Variants in HSPA12A observed in about 807,000 individuals in gnomAD.
HSPA12A encodes the protein heat shock protein family A (Hsp70) member 12A.
Under a neutral mutation model 69.2 loss-of-function variants are expected in HSPA12A, and 28 were observed. That is an observed-to-expected ratio of 0.40 (90% confidence interval 0.30 to 0.55). HSPA12A has a LOEUF of 0.55. HSPA12A is among the 20% of genes least tolerant of loss of function. The probability of loss-of-function intolerance (pLI) is 0.38; values close to 1 mark genes in which losing one functional copy is unlikely to be tolerated. For synonymous variants in HSPA12A, 345 were observed against 370.5 expected, an observed-to-expected ratio of 0.93 and a Z score of 0.79; for missense variants, 686 against 900.7, an observed-to-expected ratio of 0.76 and a Z score of 3.05.
At chr10:116,713,346 T>G (rs1288525553) in intron 1 of HSPA12A, among the ~76,000 whole-genome samples, 1 of 152,090 alleles carries the variant, frequency 6.6e-6, no homozygotes, top group African/African-American at 2.4e-5. Flanking sequence ...AAATGGAAAT[T>G]TTATTGGCAT....
At position 116,843,819 on chromosome 10, in the gene HSPA12A, G is replaced by T. The variant is rs142079136; in HGVS notation, c.3+5747C>A. On this transcript the variant is annotated intron_variant, in intron 1 of 12. Coordinates refer to the HSPA12A transcript ENST00000635765. ...TCCCATTTAATCGGTCTGGGATAGG[G>T]CCCAATCACCAGTATCATTCAATAC... Among the ~76,000 whole-genome samples the T allele has an allele frequency of 3.7e-3, 563 of 152,276 alleles. 1 individual carries two copies. Among genetic ancestry groups the T allele is most frequent in the South Asian group, 8.1e-3 (39 of 4,812 alleles).
At chr10:116,842,174 G>A (rs1453518913) in intron 1 of HSPA12A, among the ~76,000 whole-genome samples, 2 of 152,164 alleles carry the variant, frequency 1.3e-5, no homozygotes, top group Non-Finnish European at 2.9e-5. Flanking sequence ...AATTACAAAA[G>A]TCAAACAATT....
At chr10:116,847,604 C>T (rs554741337) in intron 1 of HSPA12A, among the ~76,000 whole-genome samples, 6 of 152,304 alleles carry the variant, frequency 3.9e-5, no homozygotes, top group African/African-American at 1.2e-4. Flanking sequence ...TCACCCACCT[C>T]CAAAACATCT....
intron 2 of HSPA12A, among the ~76,000 whole-genome samples, chr10:116,804,854 G>C (rs1294967509): frequency 6.6e-6 from 1 of 152,168 alleles, no homozygotes; most frequent in Non-Finnish European, 1.5e-5. Context: ...ACAAGTGATG[G>C]ACAACAGAAG....
chr10:116,720,599 A>G (rs184819649), intron 1 of HSPA12A, among the ~76,000 whole-genome samples: 136 of 152,346 alleles, frequency 8.9e-4, no homozygotes, highest in Non-Finnish European at 1.6e-3. Context: ...CCCCTGACAG[A>G]TCAGCTGTTT....
intron 2 of HSPA12A, 42 bp from the exon 3 acceptor site, chr10:116,705,320 G>A: frequency 9.3e-6 from 15 of 1,611,988 alleles, no homozygotes; most frequent in Non-Finnish European, 1.3e-5. Context: ...GGAGGGGTGG[G>A]CCTGGCTTTC....
Position 116,705,238 on chromosome 10 carries a change from A to G in HSPA12A, c.167T>C (p.Leu56Pro). The G allele has an allele frequency of 6.2e-7, 1 of 1,614,176 alleles. No homozygotes were observed. Among genetic ancestry groups the G allele is most frequent in the Non-Finnish European group, 8.5e-7 (1 of 1,180,032 alleles). The change falls in exon 3 of 12, where the codon CTC becomes CCC. Residue 56 changes from leucine to proline, a missense_variant. Leu to Pro is a moderately conservative substitution (Grantham distance 98). Coordinates refer to ENST00000369209, the MANE Select transcript of HSPA12A (RefSeq NM_025015.3). ...DSNVSEQQSF[L>P]VVVAVDFGTT... ...CCCAAAGTCGACGGCCACCACCACG[A>G]GAAATGACTGCTGTTCTGAGACGTT...
Position 116,707,191 on chromosome 10 carries a change from ACT to A in HSPA12A, c.126+7_126+8del. On this transcript the variant is annotated splice_region_variant and intron_variant, in intron 2 of 11. Transcript: ENST00000369209. ...CACACACACACACACACACACACAC[ACT>A]TCTTACCACAATATGGGAGGGGGAC... 3 of 1,570,746 alleles carry A rather than the reference ACT, an allele frequency of 1.9e-6. No individual in the cohort carries two copies. The highest frequency in any genetic ancestry group is 1.1e-5 in the South Asian group (1 of 87,092).
At chr10:116,761,352 G>A (rs1843966953) in intron 2 of HSPA12A, among the ~76,000 whole-genome samples, 1 of 152,022 alleles carries the variant, frequency 6.6e-6, no homozygotes, top group South Asian at 2.1e-4. Context: ...TGGGCATAGT[G>A]GCGCACACCT....
intron 1 of HSPA12A, 21 bp from the exon 2 acceptor site, chr10:116,707,306 G>T: frequency 6.3e-7 from 1 of 1,585,230 alleles, no homozygotes; most frequent in South Asian, 1.1e-5. Flanking sequence ...AAACAAAGCC[G>T]CCTCCTTAGA....
At chr10:116,772,990 ACT>A (rs1844246788) in intron 2 of HSPA12A, among the ~76,000 whole-genome samples, 1 of 152,194 alleles carries the variant, frequency 6.6e-6, no homozygotes. Flanking sequence ...GGCATGAGCC[ACT>A]GCACCTGGCC....
chr10:116,749,617 T>G (rs1243216691), intron 2 of HSPA12A, among the ~76,000 whole-genome samples: 1 of 152,202 alleles, frequency 6.6e-6, no homozygotes, highest in Non-Finnish European at 1.5e-5. Context: ...ACGTGTTGAA[T>G]GAATGAACAA....
intron 2 of HSPA12A, among the ~76,000 whole-genome samples, chr10:116,792,657 T>A (rs998281758): frequency 1.4e-5 from 2 of 147,186 alleles, no homozygotes; most frequent in African/African-American, 2.5e-5. Flanking sequence ...CATGGTAGTG[T>A]GCACCTGTGG....
At chr10:116,689,289 G>A (rs985496758) in intron 6 of HSPA12A, among the ~76,000 whole-genome samples, 4 of 151,928 alleles carry the variant, frequency 2.6e-5, no homozygotes, top group African/African-American at 9.7e-5. Context: ...CCTGAAAGGA[G>A]GGGCTCCATT....
chr10:116,711,832 GT>G (rs60670342), intron 1 of HSPA12A, among the ~76,000 whole-genome samples: 276 of 145,778 alleles, frequency 1.9e-3, no homozygotes, highest in African/African-American at 4.7e-3. Flanking sequence ...CCCAGCTAAT[GT>G]TTTTTTTTTT....
At chr10:116,687,758 A>C (rs1849616478) in intron 6 of HSPA12A, among the ~76,000 whole-genome samples, 1 of 151,888 alleles carries the variant, frequency 6.6e-6, no homozygotes, top group Non-Finnish European at 1.5e-5. Context: ...ACCACAGAAC[A>C]CTCTCCGTCT....
intron 2 of HSPA12A, among the ~76,000 whole-genome samples, chr10:116,785,872 A>T (rs989864330): frequency 6.7e-6 from 1 of 150,178 alleles, no homozygotes; most frequent in Admixed American, 6.6e-5. Flanking sequence ...GATTCCTCCT[A>T]TTTCCCCCCC....
intron 2 of HSPA12A, among the ~76,000 whole-genome samples, chr10:116,779,700 G>A (rs951075882): frequency 1.3e-5 from 2 of 152,136 alleles, no homozygotes; most frequent in Non-Finnish European, 2.9e-5. Flanking sequence ...TTGACACCCA[G>A]GCAGGTGGGA....
chr10:116,762,564 T>C (rs1554889375), intron 2 of HSPA12A, among the ~76,000 whole-genome samples: 1 of 152,098 alleles, frequency 6.6e-6, no homozygotes, highest in Non-Finnish European at 1.5e-5. Context: ...CTTTCTCGCC[T>C]TAGAAACTCC....
Sources: allele counts gnomAD v4.1 joint callset (sites outside exome capture counted in the v4.1 genomes callset), GRCh38; gene constraint gnomAD v4.1.1; transcripts MANE v1.5; gene names NCBI Gene and HGNC (gene_info 2026-07-23, HGNC 2026-07-21).